Variants in ABCB1 observed in about 807,000 individuals in gnomAD.
ABCB1 encodes ATP-dependent translocase ABCB1.
In ABCB1, 69 loss-of-function variants were observed where a neutral mutation model predicts 142.0. The ratio of observed to expected loss-of-function variants is 0.49; its 90% CI spans 0.40 to 0.59. The LOEUF is 0.59. ABCB1 is among the 20% of genes least tolerant of loss of function. ABCB1 has a pLI of 0.00. For missense variants in ABCB1, 1,326 were observed against 1,554.7 expected (o/e 0.85, Z 2.47); for synonymous variants, 532 against 539.2 (o/e 0.99, Z 0.18).
intron 4 of ABCB1, among the ~76,000 whole-genome samples, chr7:87,571,302 A>G (rs1818043095): frequency 2.0e-5 from 3 of 152,188 alleles, no homozygotes; most frequent in Non-Finnish European, 4.4e-5. Flanking sequence ...AGCTGGAAAG[A>G]TAATCTGGGT....
intron 1 of ABCB1, among the ~76,000 whole-genome samples, chr7:87,628,145 C>G (rs1820787824): frequency 6.6e-6 from 1 of 152,178 alleles, no homozygotes; most frequent in African/African-American, 2.4e-5. Flanking sequence ...AGGCCCCTGG[C>G]GCTGTGGGGC....
chr7:87,588,765 C>A (rs549532093), intron 3 of ABCB1, among the ~76,000 whole-genome samples: 1 of 152,312 alleles, frequency 6.6e-6, no homozygotes, highest in African/African-American at 2.4e-5. Context: ...TCCACAATGG[C>A]TGAACAGTGT....
At position 87,553,733 on chromosome 7, in the gene ABCB1, G is replaced by A. The variant is rs201737652; in HGVS notation, c.999+28C>T. The A allele has an allele frequency of 1.9e-6, 3 of 1,601,474 alleles. No homozygotes were observed. The South Asian group carries it at 3.3e-5, about 18-fold the overall frequency. ...GATTTCATTGGCATTTTATAATAAT[G>A]GTTCATTTCTCAATGTAAACCACTT... On this transcript the variant is annotated intron_variant, in intron 9 of 27. Coordinates refer to ENST00000622132, the MANE Select transcript of ABCB1 (RefSeq NM_001348946.2).
chr7:87,553,964 C>T, intron 8 of ABCB1, 32 bp from the exon 9 acceptor site: 2 of 1,580,286 alleles, frequency 1.3e-6, no homozygotes, highest in Non-Finnish European at 1.7e-6. Flanking sequence ...ATCACATATA[C>T]ATTTTATGAA....
chr7:87,549,209 A>G lies in ABCB1; in HGVS notation c.1725+139T>C, dbSNP rs1816937587. On this transcript the variant is annotated intron_variant, in intron 14 of 27. Transcript: ENST00000622132. ...TAGAAAAAGATTTCAAAGAGGCCCAATGCTTTTATTTTAATAGCTGAAGGA... is the reference window on the plus strand; with the variant it reads ...TAGAAAAAGATTTCAAAGAGGCCCAGTGCTTTTATTTTAATAGCTGAAGGA... The G allele has an allele frequency of 7.5e-6, 7 of 934,956 alleles. No individual in the cohort carries two copies. In the South Asian group the frequency reaches 1.1e-4, roughly 15 times the overall value. The allele number at this position is 934,956 out of a possible 1,614,324, so 57.9% of individuals were successfully genotyped here.
chr7:87,612,021 G>T (rs1290646156), intron 1 of ABCB1, among the ~76,000 whole-genome samples: 1 of 152,084 alleles, frequency 6.6e-6, no homozygotes, highest in African/African-American at 2.4e-5. Flanking sequence ...GAGCTCTAAA[G>T]TCAGGTTTTC....
chr7:87,511,731 C>A (rs1815016464), intron 25 of ABCB1, among the ~76,000 whole-genome samples: 1 of 152,204 alleles, frequency 6.6e-6, no homozygotes, highest in Admixed American at 6.5e-5. Context: ...GTTTTGGTAA[C>A]ACTAATACCT....
intron 3 of ABCB1, among the ~76,000 whole-genome samples, chr7:87,588,053 A>G (rs888236331): frequency 6.6e-6 from 1 of 152,090 alleles, no homozygotes; most frequent in Admixed American, 6.6e-5. Flanking sequence ...TTGGAATTAC[A>G]TCTCTTAATC....
At chr7:87,561,454 T>C (rs1817561521) in intron 7 of ABCB1, 67 bp from the exon 8 acceptor site, 1 of 1,454,888 alleles carries the variant, frequency 6.9e-7, no homozygotes, top group African/African-American at 1.4e-5. Context: ...AAAGTAAAAA[T>C]AAATGTATAC....
At chr7:87,628,632 G>A in intron 1 of ABCB1, 1 of 370,718 alleles carries the variant, frequency 2.7e-6, no homozygotes, top group East Asian at 3.9e-5. Flanking sequence ...TGTGGAGCTC[G>A]GGTGCCAAGG....
chr7:87,691,744 G>A (rs1368045209), intron 1 of ABCB1, among the ~76,000 whole-genome samples: 1 of 151,984 alleles, frequency 6.6e-6, no homozygotes, highest in Non-Finnish European at 1.5e-5. Flanking sequence ...TTCTTTCTGG[G>A]GTTGTCAGTG....
chr7:87,674,160 G>T (rs1313582656), intron 1 of ABCB1, among the ~76,000 whole-genome samples: 3 of 152,186 alleles, frequency 2.0e-5, no homozygotes, highest in African/African-American at 7.2e-5. Flanking sequence ...TCATCGAGGT[G>T]GTGGCAGTGG....
intron 25 of ABCB1, among the ~76,000 whole-genome samples, chr7:87,513,672 C>G (rs751794341): frequency 6.6e-5 from 10 of 152,146 alleles, no homozygotes; most frequent in African/African-American, 9.7e-5. Context: ...CTTGTATTTT[C>G]TCTTACATTG....
intron 21 of ABCB1, among the ~76,000 whole-genome samples, chr7:87,523,939 T>C (rs1438767030): frequency 3.3e-5 from 5 of 152,226 alleles, no homozygotes; most frequent in Non-Finnish European, 5.9e-5. Flanking sequence ...TGACTCTTTA[T>C]TGTTTAAGAT....
chr7:87,656,288 T>G (rs1289950772), intron 1 of ABCB1, among the ~76,000 whole-genome samples: 3 of 151,938 alleles, frequency 2.0e-5, no homozygotes, highest in Non-Finnish European at 4.4e-5. Context: ...AAGAAAAAAT[T>G]AATACAGTTA....
chr7:87,653,648 T>C (rs1823799161), intron 1 of ABCB1, among the ~76,000 whole-genome samples: 1 of 152,120 alleles, frequency 6.6e-6, no homozygotes, highest in Non-Finnish European at 1.5e-5. Context: ...TTGGTCTTTT[T>C]TCTGCTACTT....
At chr7:87,536,951 G>A in intron 19 of ABCB1, 2 of 257,582 alleles carry the variant, frequency 7.8e-6, no homozygotes, top group Non-Finnish European at 1.5e-5. Flanking sequence ...GGGGACATCT[G>A]AACAGAGGCC....
chr7:87,569,739 G>A (rs1817957120), intron 5 of ABCB1, among the ~76,000 whole-genome samples: 1 of 152,118 alleles, frequency 6.6e-6, no homozygotes, highest in Non-Finnish European at 1.5e-5. Flanking sequence ...CCAGGCTGGA[G>A]TGCAGTGATG....
intron 1 of ABCB1, among the ~76,000 whole-genome samples, chr7:87,673,424 T>A (rs1411215076): frequency 6.6e-6 from 1 of 152,220 alleles, no homozygotes; most frequent in South Asian, 2.1e-4. Context: ...TCCTTTTTAT[T>A]CTTTTTTCTT....
Sources: gnomAD v4.1 joint callset for allele counts (sites outside exome capture counted in the v4.1 genomes callset) on GRCh38, gnomAD v4.1.1 for gene constraint, MANE v1.5 for transcripts, NCBI Gene and HGNC (gene_info 2026-07-23, HGNC 2026-07-21) for gene names.